FAM227A: variants seen among roughly 807,000 people sequenced by gnomAD.
FAM227A encodes family with sequence similarity 227 member A.
A neutral mutation model predicts 74.7 loss-of-function variants in FAM227A; 80 were observed. That is an observed-to-expected ratio of 1.07 (90% CI 0.89 to 1.29). The LOEUF is 1.29. Ranked by LOEUF, FAM227A falls within the 50% of genes most tolerant of loss-of-function variation. The pLI, the probability that FAM227A is intolerant of heterozygous loss-of-function variation, is 0.00. For synonymous variants in FAM227A, 237 were observed against 241.8 expected (o/e 0.98, Z 0.19); for missense variants, 654 against 683.4 (o/e 0.96, Z 0.48).
At chr22:38,654,112 G>T (rs1048369110) in intron 1 of FAM227A, among the ~76,000 whole-genome samples, 1 of 152,072 alleles carries the variant, frequency 6.6e-6, no homozygotes, top group African/African-American at 2.4e-5. Context: ...ACTTTAGGAG[G>T]CCGAGGCAGG....
At chr22:38,639,178 G>A (rs1191880593) in intron 4 of FAM227A, among the ~76,000 whole-genome samples, 1 of 152,170 alleles carries the variant, frequency 6.6e-6, no homozygotes, top group Non-Finnish European at 1.5e-5. Flanking sequence ...GGGAGGCTGA[G>A]GCAGGCGGAT....
chr22:38,624,758 T>A (rs1353658305), intron 9 of FAM227A, among the ~76,000 whole-genome samples: 2 of 152,064 alleles, frequency 1.3e-5, no homozygotes, highest in Non-Finnish European at 2.9e-5. Context: ...GATGAGTGGG[T>A]TCTGTATGAC....
At chr22:38,611,546 T>C (rs2091414283) in intron 11 of FAM227A, among the ~76,000 whole-genome samples, 2 of 152,188 alleles carry the variant, frequency 1.3e-5, no homozygotes, top group African/African-American at 4.8e-5. Flanking sequence ...TACCCCTAGA[T>C]TGAATCTATA....
intron 11 of FAM227A, among the ~76,000 whole-genome samples, chr22:38,613,686 G>A (rs2091517152): frequency 1.3e-5 from 2 of 151,646 alleles, no homozygotes; most frequent in South Asian, 4.2e-4. Flanking sequence ...TGTTTCTCTA[G>A]GTACCACCCT....
intron 11 of FAM227A, among the ~76,000 whole-genome samples, chr22:38,613,108 T>A (rs1602945902): frequency 1.1e-5 from 1 of 92,454 alleles, no homozygotes; most frequent in African/African-American, 5.0e-5. Context: ...TATATAATTA[T>A]ATATATATTA....
At chr22:38,612,562 T>A (rs1336555754) in intron 11 of FAM227A, among the ~76,000 whole-genome samples, 1 of 152,182 alleles carries the variant, frequency 6.6e-6, no homozygotes, top group Non-Finnish European at 1.5e-5. Context: ...TCTCCACATA[T>A]GTGAAACCCA....
chr22:38,608,156 A>C (rs1183183105), intron 11 of FAM227A, among the ~76,000 whole-genome samples: 2 of 55,338 alleles, frequency 3.6e-5, no homozygotes, highest in Non-Finnish European at 7.0e-5. Context: ...TTTTCTCTAC[A>C]AAAAAAAAAA....
intron 11 of FAM227A, among the ~76,000 whole-genome samples, chr22:38,609,773 CT>C (rs869048280): frequency 1.0e-3 from 152 of 145,562 alleles, no homozygotes; most frequent in Non-Finnish European, 8.4e-4. Flanking sequence ...TCTTTTCTTT[CT>C]TTTTTTTTTT....
chr22:38,607,681 T>A (rs539966272), intron 11 of FAM227A, among the ~76,000 whole-genome samples: 3 of 152,334 alleles, frequency 2.0e-5, no homozygotes, highest in Admixed American at 1.3e-4. Context: ...GGAGAACACA[T>A]GGGCTGGGGA....
rs1300099745 is a variant in FAM227A at position 38,650,083 on chromosome 22, A to G, written c.86T>C (p.Val29Ala). ...AGTCTTCACCATTGTATTCCGTGCG[A>G]CAAGCGAGACAGCCAGGTGCTCATC... is the stretch of plus-strand genomic sequence containing the variant. ...PVDEHLAVSL[V>A]ARNTMVKTVR... The change falls in exon 2 of 17, where the codon GTC becomes GCC. Residue 29 changes from valine (V) to alanine (A), a missense_variant. Coordinates refer to ENST00000535113, the MANE Select transcript of FAM227A (RefSeq NM_001013647.2). 6.4e-7 allele frequency: 1 copy of G among 1,552,128 alleles called. No individual in the cohort carries two copies. The highest frequency in any genetic ancestry group is 1.2e-5 in the South Asian group (1 of 84,050).
chr22:38,593,205 A>T (rs2090974577), intron 15 of FAM227A, among the ~76,000 whole-genome samples: 1 of 152,192 alleles, frequency 6.6e-6, no homozygotes, highest in South Asian at 2.1e-4. Flanking sequence ...TGAACTACAG[A>T]ATAAATAAAG....
rs1304346614 is a variant in FAM227A at position 38,586,165 on chromosome 22, G to C, written c.1673C>G (p.Thr558Arg). 4 of 1,551,758 alleles carry C rather than the reference G, an allele frequency of 2.6e-6. No individual in the cohort carries two copies. The East Asian group carries it at 9.8e-5, about 38-fold the overall frequency. ...GAGTGGAAAGAAATGTTCAACTTCT[G>C]TTTCTCTTCTCTTTCCCTCTCCTCC... The part of the protein sequence containing the change: ...GKGGEGKRRE[T>R]EVEHFFPLTS... The change falls in exon 17 of 17, where the codon ACA becomes AGA. Residue 558 changes from threonine to arginine, a missense_variant. Transcript: ENST00000535113.
At chr22:38,607,270 T>G in intron 12 of FAM227A, 119 bp downstream of exon 12, 2 of 649,974 alleles carry the variant, frequency 3.1e-6, no homozygotes, top group Non-Finnish European at 5.4e-6. Flanking sequence ...AGGCCCAGGC[T>G]GGAACCCCAA....
chr22:38,622,873 CAAAAAAA>C lies in FAM227A; in HGVS notation c.958+292_958+298del, dbSNP rs138871600. ...CCTGGGTGACAGAGCAAGACTGTCT[CAAAAAAA>C]AAAAAAAAAAAAAAAAAAAGAGGCA... On this transcript the variant is annotated intron_variant, in intron 10 of 16. Transcript: ENST00000535113. 1.1e-4 allele frequency among the ~76,000 whole-genome samples: 5 copies of C among 45,150 alleles called. No individual in the cohort carries two copies. In the Admixed American group the frequency reaches 1.2e-3, roughly 11 times the overall value. 29.6% of individuals were successfully genotyped at this position (45,150 alleles called of 152,430 possible).
intron 11 of FAM227A, among the ~76,000 whole-genome samples, chr22:38,613,161 C>T: frequency 1.0e-4 from 7 of 67,976 alleles, no homozygotes; most frequent in African/African-American, 2.0e-4. Context: ...TATTATATAT[C>T]TATGCTGTAT....
intron 11 of FAM227A, among the ~76,000 whole-genome samples, chr22:38,615,130 T>C (rs1250750288): frequency 6.6e-6 from 1 of 152,174 alleles, no homozygotes; most frequent in Non-Finnish European, 1.5e-5. Context: ...TTCAAGCAAT[T>C]ATCCTGCCTC....
At chr22:38,606,030 C>A (rs2091275360) in intron 12 of FAM227A, among the ~76,000 whole-genome samples, 1 of 152,168 alleles carries the variant, frequency 6.6e-6, no homozygotes, top group Non-Finnish European at 1.5e-5. Context: ...GACTAACAGA[C>A]AAAATTGCTA....
At chr22:38,655,844 C>T (rs2092385021) in intron 1 of FAM227A, among the ~76,000 whole-genome samples, 1 of 152,172 alleles carries the variant, frequency 6.6e-6, no homozygotes, top group African/African-American at 2.4e-5. Flanking sequence ...GGTCCTGCCC[C>T]TCACTGGATG....
intron 3 of FAM227A, among the ~76,000 whole-genome samples, chr22:38,643,033 G>A (rs1298065834): frequency 6.6e-6 from 1 of 151,984 alleles, no homozygotes; most frequent in Non-Finnish European, 1.5e-5. Flanking sequence ...ATGGGCTAAA[G>A]GTTGGGCATG....
Sources: allele counts gnomAD v4.1 joint callset (sites outside exome capture counted in the v4.1 genomes callset), GRCh38; gene constraint gnomAD v4.1.1; transcripts MANE v1.5; gene names NCBI Gene and HGNC (gene_info 2026-07-23, HGNC 2026-07-21).